DCC: variants seen among roughly 807,000 people sequenced by gnomAD.
DCC encodes the protein DCC netrin 1 receptor, also known as netrin receptor DCC.
DCC carries 58 observed loss-of-function variants against 172.5 expected under a neutral mutation model. The ratio of observed to expected loss-of-function variants is 0.34; its 90% CI spans 0.27 to 0.42. The LOEUF (loss-of-function observed/expected upper bound fraction) is 0.42, where lower values mean the gene tolerates loss of function less well. Ranked by LOEUF, DCC falls within the 10% of genes least tolerant of loss-of-function variation. The pLI, the probability that DCC is intolerant of heterozygous loss-of-function variation, is 1.00. For missense variants in DCC, 1,740 were observed against 1,791.0 expected, an observed-to-expected ratio of 0.97 and a Z score of 0.51; for synonymous variants, 709 against 644.5, an observed-to-expected ratio of 1.10 and a Z score of -1.52.
At chr18:52,993,905 T>C (rs970411321) in intron 5 of DCC, among the ~76,000 whole-genome samples, 1 of 152,130 alleles carries the variant, frequency 6.6e-6, no homozygotes, top group African/African-American at 2.4e-5. Context: ...TAAGGAGTTT[T>C]CTTAGAATTA....
chr18:52,610,170 AAAAAAAAAATATATATAT>A (rs2034233349), intron 1 of DCC, among the ~76,000 whole-genome samples: 13 of 24,606 alleles, frequency 5.3e-4, no homozygotes, highest in Non-Finnish European at 8.4e-4. Context: ...AAAAAAAAAA[AAAAAAAAAATATATATAT>A]ATATATATAT....
At chr18:53,452,174 A>C (rs541439445) in intron 23 of DCC, among the ~76,000 whole-genome samples, 1 of 152,344 alleles carries the variant, frequency 6.6e-6, no homozygotes, top group African/African-American at 2.4e-5. Context: ...TTATCAGGAA[A>C]GGGGTTGTGA....
chr18:52,527,111 T>C (rs1299062833), intron 1 of DCC, among the ~76,000 whole-genome samples: 4 of 152,216 alleles, frequency 2.6e-5, no homozygotes, highest in Admixed American at 2.0e-4. Context: ...TCCATCTATC[T>C]GGATTAACAA....
At chr18:52,986,851 C>A (rs1243915652) in intron 5 of DCC, among the ~76,000 whole-genome samples, 2 of 150,644 alleles carry the variant, frequency 1.3e-5, no homozygotes, top group Non-Finnish European at 2.9e-5. Context: ...CACACACACA[C>A]ACACACAAAC....
chr18:53,029,204 T>C (rs1404082685), intron 5 of DCC, among the ~76,000 whole-genome samples: 1 of 152,170 alleles, frequency 6.6e-6, no homozygotes, highest in African/African-American at 2.4e-5. Flanking sequence ...TAGCCAGTTA[T>C]AACTCATTAG....
At chr18:52,567,917 A>G (rs1300222497) in intron 1 of DCC, among the ~76,000 whole-genome samples, 2 of 152,158 alleles carry the variant, frequency 1.3e-5, no homozygotes, top group Non-Finnish European at 2.9e-5. Flanking sequence ...CTTGTGATAA[A>G]ATGTCACAGA....
At chr18:53,046,603 T>A (rs1449267880) in intron 5 of DCC, among the ~76,000 whole-genome samples, 1 of 151,826 alleles carries the variant, frequency 6.6e-6, no homozygotes. Flanking sequence ...TGCTGGAAAG[T>A]GTTAAAAAGT....
intron 11 of DCC, among the ~76,000 whole-genome samples, chr18:53,212,756 C>T (rs1435205072): frequency 1.3e-5 from 2 of 151,938 alleles, no homozygotes; most frequent in Non-Finnish European, 2.9e-5. Flanking sequence ...CTGCAGCCTC[C>T]ACCTCCCAGG....
At chr18:52,848,792 TA>T (rs2038933350) in intron 2 of DCC, among the ~76,000 whole-genome samples, 1 of 152,226 alleles carries the variant, frequency 6.6e-6, no homozygotes, top group Non-Finnish European at 1.5e-5. Context: ...CCATTTATGT[TA>T]AGTGATTTTT....
At position 53,206,540 on chromosome 18, in the gene DCC, C is replaced by A. The variant is rs1314765451; in HGVS notation, c.1723-1139C>A. On this transcript the variant is annotated intron_variant, in intron 10 of 28. Transcript: ENST00000442544. ...TACATGTATTATATATAATACATATCTATGTATATATACATGTATGTATTA... is the reference window on the plus strand; with the variant it reads ...TACATGTATTATATATAATACATATATATGTATATATACATGTATGTATTA... Among the ~76,000 whole-genome samples the A allele has an allele frequency of 3.5e-5, 5 of 142,072 alleles. No homozygotes were observed. The South Asian group carries it at 8.7e-4, about 25-fold the overall frequency. 93.2% of individuals were successfully genotyped at this position (142,072 alleles called of 152,430 possible). A position where few individuals can be genotyped will look rare whatever the true frequency, so the allele number is the denominator to read the frequency against.
chr18:53,286,618 T>C (rs1485612166), intron 12 of DCC, among the ~76,000 whole-genome samples: 1 of 152,220 alleles, frequency 6.6e-6, no homozygotes, highest in Non-Finnish European at 1.5e-5. Flanking sequence ...GAGGCAGCAC[T>C]TGATGCAATG....
intron 1 of DCC, among the ~76,000 whole-genome samples, chr18:52,540,418 C>T (rs1222461436): frequency 6.6e-6 from 1 of 151,728 alleles, no homozygotes; most frequent in Admixed American, 6.6e-5. Flanking sequence ...CAGAGCAAGA[C>T]CCTGACTCAA....
At chr18:53,294,099 G>C (rs1179954477) in intron 12 of DCC, among the ~76,000 whole-genome samples, 2 of 152,130 alleles carry the variant, frequency 1.3e-5, no homozygotes, top group African/African-American at 4.8e-5. Flanking sequence ...GATTAAAGCA[G>C]AGAAAAGTGG....
intron 1 of DCC, among the ~76,000 whole-genome samples, chr18:52,647,694 G>A (rs1030124485): frequency 3.3e-5 from 5 of 152,192 alleles, no homozygotes; most frequent in African/African-American, 9.7e-5. Context: ...AGACTCTCCT[G>A]TTTTTCAGGT....
intron 5 of DCC, among the ~76,000 whole-genome samples, chr18:52,967,966 A>G (rs997255240): frequency 6.6e-6 from 1 of 152,102 alleles, no homozygotes; most frequent in Non-Finnish European, 1.5e-5. Context: ...AAATACACAC[A>G]TTTTACTTTG....
At chr18:53,365,258 TC>T (rs2057992183) in intron 15 of DCC, among the ~76,000 whole-genome samples, 1 of 109,132 alleles carries the variant, frequency 9.2e-6, no homozygotes, top group South Asian at 3.3e-4. Context: ...CATGAACTCA[TC>T]TTTTTAAGGC....
rs186753682 is a variant in DCC at position 53,469,056 on chromosome 18, T to G, written c.3736+1046T>G. 6.6e-4 allele frequency among the ~76,000 whole-genome samples: 101 copies of G among 152,324 alleles called. 1 individual carries two copies. Among genetic ancestry groups the G allele is most frequent in the Non-Finnish European group, 1.0e-3 (71 of 68,032 alleles). ...CCTTATTAGTTCCCTGCTCACTTTATTGCCCCCTTGCCATCAATTCTTCAA... is the reference window on the plus strand; with the variant it reads ...CCTTATTAGTTCCCTGCTCACTTTAGTGCCCCCTTGCCATCAATTCTTCAA... On this transcript the variant is annotated intron_variant, in intron 25 of 28. Coordinates refer to ENST00000442544, the MANE Select transcript of DCC (RefSeq NM_005215.4).
At chr18:52,722,601 C>T (rs4393666) in intron 1 of DCC, among the ~76,000 whole-genome samples, 148,929 of 152,262 alleles carry the variant, frequency 0.98, 72,910 homozygotes, top group East Asian at 1. Flanking sequence ...GCCTATTCGA[C>T]TGGTGCAAAA....
rs115263444 is a variant in DCC, at chr18:52,839,864, T to A, written c.413-66180T>A. On this transcript the variant is annotated intron_variant, in intron 2 of 28. Coordinates refer to ENST00000442544, the MANE Select transcript of DCC (RefSeq NM_005215.4). The stretch of plus-strand genomic sequence containing the variant: ...TGTTGAAGACTGGTTAGTTGGAAGC[T>A]GAGTGTCAGACTCATTTCATTTCAT... Among the ~76,000 whole-genome samples, 1,209 of 152,324 alleles carry A rather than the reference T, an allele frequency of 7.9e-3. 19 individuals carry two copies. Among genetic ancestry groups the A allele is most frequent in the African/African-American group, 0.027 (1,114 of 41,574 alleles).
Sources: gnomAD v4.1 joint callset for allele counts (sites outside exome capture counted in the v4.1 genomes callset) on GRCh38, gnomAD v4.1.1 for gene constraint, MANE v1.5 for transcripts, NCBI Gene and HGNC (gene_info 2026-07-23, HGNC 2026-07-21) for gene names.